Variants in ADAM18 observed in about 807,000 individuals in gnomAD.
ADAM18 encodes disintegrin and metalloproteinase domain-containing protein 18.
In ADAM18, 117 loss-of-function variants were observed where a neutral mutation model predicts 94.4. That is an observed-to-expected ratio of 1.24 (90% CI 1.07 to 1.45). The LOEUF is 1.45. Ranked by LOEUF, ADAM18 falls within the 40% of genes most tolerant of loss-of-function variation. The pLI is 0.00. For missense variants in ADAM18, 936 were observed against 880.0 expected (o/e 1.06, Z -0.81); for synonymous variants, 327 against 291.6 (o/e 1.12, Z -1.24).
intron 17 of ADAM18, among the ~76,000 whole-genome samples, chr8:39,702,810 G>A (rs746157986): frequency 9.2e-5 from 14 of 151,936 alleles, no homozygotes; most frequent in Non-Finnish European, 2.1e-4. Flanking sequence ...GTGATCTTAT[G>A]TCTGGGTTCT....
chr8:39,629,356 G>A lies in ADAM18; in HGVS notation c.523-18G>A, dbSNP rs758275974. ...TACATGTTAACATTTTATAAATCCC[G>A]TTGTTGTTGTTTTCCAGATAAAAAA... On this transcript the variant is annotated intron_variant, in intron 6 of 19. Transcript: ENST00000265707. The A allele has an allele frequency of 4.3e-5, 65 of 1,526,768 alleles. No individual in the cohort carries two copies. In the Middle Eastern group the frequency reaches 5.2e-4, roughly 12 times the overall value. The allele number at this position is 1,526,768 out of a possible 1,614,324, so 94.6% of individuals were successfully genotyped here.
intron 17 of ADAM18, among the ~76,000 whole-genome samples, chr8:39,700,925 TA>T (rs1289222913): frequency 1.3e-5 from 2 of 150,220 alleles, no homozygotes; most frequent in Admixed American, 6.6e-5. Context: ...CCATCCTGGC[TA>T]AAAAAAACGG....
In ADAM18 at chr8:39,663,900, T is replaced by C. The variant is rs6988389; in HGVS notation, c.1326+10T>C. 1,291,014 of 1,589,496 alleles carry C rather than the reference T, an allele frequency of 0.81. 529,573 individuals are homozygous for C. Among genetic ancestry groups the C allele is most frequent in the Middle Eastern group, 0.84 (5,030 of 6,002 alleles). The stretch of plus-strand genomic sequence containing the variant: ...TACATCAAAGTGTGAGGTAAGTTAC[T>C]AACATTCATTAAAAGCAAATTGAAC... On this transcript the variant is annotated intron_variant, in intron 13 of 19. Coordinates refer to ENST00000265707, the MANE Select transcript of ADAM18 (RefSeq NM_014237.3).
At chr8:39,651,768 A>T (rs1820545877) in intron 12 of ADAM18, among the ~76,000 whole-genome samples, 1 of 152,198 alleles carries the variant, frequency 6.6e-6, no homozygotes, top group Non-Finnish European at 1.5e-5. Context: ...AAAATTTATA[A>T]GAAACCACAT....
chr8:39,618,654 C>G (rs550526702), intron 6 of ADAM18, among the ~76,000 whole-genome samples: 1 of 152,144 alleles, frequency 6.6e-6, no homozygotes, highest in African/African-American at 2.4e-5. Context: ...ATGCCTTAAC[C>G]CTAAAGAGGC....
intron 12 of ADAM18, among the ~76,000 whole-genome samples, chr8:39,654,416 A>C (rs2129579791): frequency 6.8e-6 from 1 of 147,382 alleles, no homozygotes; most frequent in Non-Finnish European, 1.5e-5. Flanking sequence ...GTGTATATAA[A>C]CCACGTTTTC....
Position 39,680,040 on chromosome 8 carries a change from T to G in ADAM18, c.1635T>G (p.Asp545Glu), listed in dbSNP as rs1821404634. ...ACTTTTTGCTTTCCACTTCCAGGGATGTTCTCTGTGGAAAATTAGCTTGTG... is the reference window on the plus strand; with the variant it reads ...ACTTTTTGCTTTCCACTTCCAGGGAGGTTCTCTGTGGAAAATTAGCTTGTG... ...NSQPLPCERK[D>E]VLCGKLACVQ... is the part of the protein sequence containing the mutation. The change falls in exon 16 of 20, where the codon GAT (aspartate) becomes GAG (glutamate). Residue 545 changes from aspartate (D) to glutamate (E), a missense_variant. Physicochemically the swap from Asp to Glu is conservative, Grantham distance 45. Transcript: ENST00000265707. The G allele has an allele frequency of 2.5e-6, 4 of 1,613,394 alleles. No homozygotes were observed. The South Asian group carries it at 4.4e-5, about 18-fold the overall frequency.
chr8:39,653,248 A>G (rs1289947866), intron 12 of ADAM18, among the ~76,000 whole-genome samples: 1 of 152,214 alleles, frequency 6.6e-6, no homozygotes, highest in African/African-American at 2.4e-5. Flanking sequence ...GTATCAAAAC[A>G]TCATGCTGTA....
rs944335447 is a variant in ADAM18 at position 39,645,370 on chromosome 8, G to A, written c.942G>A (p.Ser314=). Residue 314 remains serine, a synonymous_variant, in exon 11 of 20, where the codon TCG becomes TCA. Coordinates refer to ENST00000265707, the MANE Select transcript of ADAM18 (RefSeq NM_014237.3). The part of the protein sequence containing the change: ...YPDAIGLEGF[S]VIIAQLLGLN... ...ATGCAATAGGTTTGGAGGGATTTTC[G>A]GTTATTATAGCTCAACTGCTTGGCC... 20 of 1,611,634 alleles carry A rather than the reference G, an allele frequency of 1.2e-5. No individual in the cohort carries two copies. The highest frequency in any genetic ancestry group is 6.7e-5 in the Admixed American group (4 of 59,842).
intron 2 of ADAM18, among the ~76,000 whole-genome samples, chr8:39,604,088 C>T (rs570909138): frequency 1.8e-4 from 28 of 152,282 alleles, no homozygotes; most frequent in African/African-American, 5.5e-4. Flanking sequence ...CTCTGCTCTT[C>T]GCCACATGCT....
At chr8:39,603,696 A>G (rs1008983556) in intron 2 of ADAM18, among the ~76,000 whole-genome samples, 2 of 152,202 alleles carry the variant, frequency 1.3e-5, no homozygotes, top group African/African-American at 4.8e-5. Context: ...TTTGTGTTTT[A>G]AACTCTCTAT....
rs765336979 is a variant in ADAM18 at position 39,680,017 on chromosome 8, T to G, written c.1632-20T>G. The G allele has an allele frequency of 2.5e-6, 4 of 1,612,184 alleles. No homozygotes were observed. Among genetic ancestry groups the G allele is most frequent in the Non-Finnish European group, 3.4e-6 (4 of 1,179,440 alleles). ...ATTAAGAGATAAACTGATAAGGAAC[T>G]TTTTGCTTTCCACTTCCAGGGATGT... is the stretch of plus-strand genomic sequence containing the variant. On this transcript the variant is annotated intron_variant, in intron 15 of 19. Transcript: ENST00000265707.
intron 12 of ADAM18, among the ~76,000 whole-genome samples, chr8:39,658,182 C>A (rs1820738445): frequency 6.6e-6 from 1 of 152,122 alleles, no homozygotes; most frequent in South Asian, 2.1e-4. Context: ...GAATCTATGG[C>A]AAATTCCTTA....
chr8:39,680,133 T>C lies in ADAM18; in HGVS notation c.1728T>C (p.His576=), dbSNP rs1187990236. The change falls in exon 16 of 20, where the codon CAT becomes CAC. Residue 576 remains histidine, a synonymous_variant. Coordinates refer to ENST00000265707, the MANE Select transcript of ADAM18 (RefSeq NM_014237.3). ...QSTVYSYIQD[H]VCVSIATGSS... Reference sequence around the variant, plus strand: ...CAGTTTATTCATATATTCAAGACCATGTATGTGTATCTATAGCCACTGGTT... The same window carrying C: ...CAGTTTATTCATATATTCAAGACCACGTATGTGTATCTATAGCCACTGGTT... The C allele has an allele frequency of 1.2e-6, 2 of 1,613,762 alleles. No individual in the cohort carries two copies. The highest frequency in any genetic ancestry group is 2.7e-5 in the African/African-American group (2 of 74,922).
intron 17 of ADAM18, among the ~76,000 whole-genome samples, chr8:39,700,143 AG>A (rs1341481200): frequency 6.6e-6 from 1 of 152,182 alleles, no homozygotes; most frequent in African/African-American, 2.4e-5. Context: ...TAGAAATTAA[AG>A]TTATGGCATT....
rs758284904 is a variant in ADAM18, at chr8:39,598,972, C to T, written c.133-7335C>T. Among the ~76,000 whole-genome samples, 195 of 152,008 alleles carry T rather than the reference C, an allele frequency of 1.3e-3. 1 individual carries two copies. The highest frequency in any genetic ancestry group is 2.0e-3 in the Non-Finnish European group (139 of 67,974). ...GATCACAGGAACCCACCAACACGCCCGGCTAATGTTGTATTTTTAGTGGAG... is the reference window on the plus strand; with the variant it reads ...GATCACAGGAACCCACCAACACGCCTGGCTAATGTTGTATTTTTAGTGGAG... On this transcript the variant is annotated intron_variant, in intron 2 of 19. Transcript: ENST00000265707.
At chr8:39,720,914 T>A (rs570008168) in intron 18 of ADAM18, among the ~76,000 whole-genome samples, 1 of 151,482 alleles carries the variant, frequency 6.6e-6, no homozygotes, top group Admixed American at 6.6e-5. Context: ...CCAAAAGACA[T>A]GCTGTAGAAT....
Position 39,632,046 on chromosome 8 carries a change from T to A in ADAM18, c.588+2607T>A, listed in dbSNP as rs1302562970. ...CATAATTTACTTGTTAATTCTTGTGTTTCATTTTTGGTAGATTTTTTAATG... is the reference window on the plus strand; with the variant it reads ...CATAATTTACTTGTTAATTCTTGTGATTCATTTTTGGTAGATTTTTTAATG... On this transcript the variant is annotated intron_variant, in intron 7 of 19. Coordinates refer to ENST00000265707, the MANE Select transcript of ADAM18 (RefSeq NM_014237.3). 3.9e-5 allele frequency among the ~76,000 whole-genome samples: 6 copies of A among 152,024 alleles called. No individual in the cohort carries two copies. The East Asian group carries it at 1.2e-3, about 29-fold the overall frequency.
At chr8:39,652,638 C>T (rs79568046) in intron 12 of ADAM18, among the ~76,000 whole-genome samples, 2,821 of 152,150 alleles carry the variant, frequency 0.019, 79 homozygotes, top group African/African-American at 0.064. Flanking sequence ...TATGGAGGTT[C>T]ATCAAAAACT....
Sources: gnomAD v4.1 joint callset for allele counts (sites outside exome capture counted in the v4.1 genomes callset) on GRCh38, gnomAD v4.1.1 for gene constraint, MANE v1.5 for transcripts, NCBI Gene and HGNC (gene_info 2026-07-23, HGNC 2026-07-21) for gene names.